The following PPP2R2B variants were observed in gnomAD, a reference collection of about 807,000 sequenced individuals.
PPP2R2B encodes protein phosphatase 2 regulatory subunit Bbeta, also known as serine/threonine-protein phosphatase 2A 55 kDa regulatory subunit B beta isoform.
PPP2R2B carries 5 observed loss-of-function variants against 46.0 expected under a neutral mutation model. The ratio of observed to expected loss-of-function variants is 0.11; its 90% CI spans 0.06 to 0.23. The LOEUF (loss-of-function observed/expected upper bound fraction) is 0.23, where lower values mean the gene tolerates loss of function less well. Ranked by LOEUF, PPP2R2B falls within the 10% of genes least tolerant of loss-of-function variation. The pLI is 1.00. For missense variants in PPP2R2B, 367 were observed against 575.0 expected, an observed-to-expected ratio of 0.64 and a Z score of 3.70; for synonymous variants, 215 against 206.7, an observed-to-expected ratio of 1.04 and a Z score of -0.34.
At chr5:147,080,772 G>A (rs574676169) in intron 2 of PPP2R2B, among the ~76,000 whole-genome samples, 151 of 152,182 alleles carry the variant, frequency 9.9e-4, no homozygotes, top group African/African-American at 3.4e-3. Context: ...ATTCTACAGC[G>A]CTGACAGATC....
At chr5:146,771,812 A>T (rs1236019777) in intron 2 of PPP2R2B, among the ~76,000 whole-genome samples, 1 of 152,200 alleles carries the variant, frequency 6.6e-6, no homozygotes, top group African/African-American at 2.4e-5. Context: ...ATTTCTAGCC[A>T]ATGCAATGTG....
rs114239630 is a variant in PPP2R2B, at chr5:146,794,112, C to T, written c.70+83890G>A. On this transcript the variant is annotated intron_variant, in intron 2 of 9. Coordinates refer to ENST00000394411, the MANE Select transcript of PPP2R2B (RefSeq NM_181675.4). ...TCTCCATTCCCAAAGACCAATAAAA[C>T]TGGCCTTTATCTTAACTTCACAAGT... 8.3e-3 allele frequency among the ~76,000 whole-genome samples: 1,263 copies of T among 152,264 alleles called. 19 individuals are homozygous for T. The highest frequency in any genetic ancestry group is 0.029 in the African/African-American group (1,196 of 41,556).
chr5:146,639,171 G>T (rs1044812300), intron 6 of PPP2R2B, among the ~76,000 whole-genome samples: 7 of 152,150 alleles, frequency 4.6e-5, no homozygotes, highest in African/African-American at 1.7e-4. Flanking sequence ...TCATAATTAT[G>T]CAAAATTTCT....
At chr5:147,007,251 TC>T (rs1463995698) in intron 1 of PPP2R2B, among the ~76,000 whole-genome samples, 1 of 152,000 alleles carries the variant, frequency 6.6e-6, no homozygotes, top group East Asian at 1.9e-4. Flanking sequence ...ATCGCCCAAT[TC>T]CCAACAGCAG....
intron 2 of PPP2R2B, among the ~76,000 whole-genome samples, chr5:146,734,276 T>G (rs982898114): frequency 1.3e-5 from 2 of 152,062 alleles, no homozygotes; most frequent in African/African-American, 4.8e-5. Context: ...AGGCTGGTCT[T>G]GAACTCCCGG....
intron 1 of PPP2R2B, among the ~76,000 whole-genome samples, chr5:146,903,179 T>C (rs1289090194): frequency 1.3e-5 from 2 of 152,202 alleles, no homozygotes; most frequent in East Asian, 3.8e-4. Context: ...ATGCCATTGA[T>C]GTTAATATGT....
At chr5:147,060,631 T>TA (rs1163385571), upstream of PPP2R2B, among the ~76,000 whole-genome samples, 1 of 151,602 alleles carries the variant, frequency 6.6e-6, no homozygotes, top group Non-Finnish European at 1.5e-5. Context: ...GAGTCTGTCT[T>TA]AAAAAAAAGA....
intron 2 of PPP2R2B, among the ~76,000 whole-genome samples, chr5:146,737,711 G>A (rs1468014390): frequency 1.3e-5 from 2 of 152,134 alleles, no homozygotes; most frequent in African/African-American, 2.4e-5. Context: ...ATTTATAAAT[G>A]GGAAACTCCA....
chr5:146,983,472 A>ACG (rs1753280466), intron 1 of PPP2R2B, among the ~76,000 whole-genome samples: 1 of 151,912 alleles, frequency 6.6e-6, no homozygotes, highest in Non-Finnish European at 1.5e-5. Context: ...GAGCCACTGC[A>ACG]CCCGGCCCAG....
At chr5:146,669,686 A>G (rs1023713425) in intron 5 of PPP2R2B, among the ~76,000 whole-genome samples, 1 of 152,164 alleles carries the variant, frequency 6.6e-6, no homozygotes, top group Non-Finnish European at 1.5e-5. Flanking sequence ...TGTATGCTTT[A>G]CATACGTTAC....
chr5:146,809,193 T>C (rs1229098503), intron 2 of PPP2R2B, among the ~76,000 whole-genome samples: 1 of 152,182 alleles, frequency 6.6e-6, no homozygotes. Flanking sequence ...AAGCCTTCTA[T>C]GTGGCCGTCA....
intron 2 of PPP2R2B, among the ~76,000 whole-genome samples, chr5:147,080,210 C>T (rs1271393109): frequency 6.6e-6 from 1 of 152,152 alleles, no homozygotes; most frequent in Non-Finnish European, 1.5e-5. Flanking sequence ...TGCATTTATG[C>T]ATGTTAGTTT....
At chr5:147,008,067 T>C (rs1347147460) in intron 1 of PPP2R2B, among the ~76,000 whole-genome samples, 2 of 152,184 alleles carry the variant, frequency 1.3e-5, no homozygotes, top group Admixed American at 1.3e-4. Context: ...TGAACATCAA[T>C]GAAATAAATG....
Position 146,861,853 on chromosome 5 carries a change from ATTGTTT to A in PPP2R2B, c.70+16143_70+16148del, listed in dbSNP as rs1473455116. On this transcript the variant is annotated intron_variant, in intron 2 of 9. Transcript: ENST00000394411. ...CCTTTGACTTTCTTTAAAATACAGC[ATTGTTT>A]TTTTTTTTTTTTGGCTTGCTGCTTT... is the stretch of plus-strand genomic sequence containing the variant. Among the ~76,000 whole-genome samples, 196 of 144,766 alleles carry A rather than the reference ATTGTTT, an allele frequency of 1.4e-3. 1 individual carries two copies. The highest frequency in any genetic ancestry group is 8.3e-3 in the East Asian group (41 of 4,942). 95.0% of individuals were successfully genotyped at this position (144,766 alleles called of 152,430 possible).
intron 1 of PPP2R2B, among the ~76,000 whole-genome samples, chr5:146,993,225 G>A (rs954494730): frequency 1.3e-5 from 2 of 150,414 alleles, no homozygotes; most frequent in African/African-American, 4.9e-5. Flanking sequence ...TTACAGGTGT[G>A]AGTCAATGGT....
chr5:146,846,450 C>T (rs755173922), intron 2 of PPP2R2B, among the ~76,000 whole-genome samples: 7 of 151,920 alleles, frequency 4.6e-5, no homozygotes, highest in African/African-American at 1.2e-4. Flanking sequence ...GAGGCCGAGA[C>T]GGGTGGATCA....
At chr5:146,840,313 C>A (rs536550402) in intron 2 of PPP2R2B, among the ~76,000 whole-genome samples, 3 of 152,088 alleles carry the variant, frequency 2.0e-5, no homozygotes, top group East Asian at 3.9e-4. Context: ...AAGTTAATTA[C>A]CCCTTGGAAT....
At chr5:146,828,620 G>A (rs1758728534) in intron 2 of PPP2R2B, among the ~76,000 whole-genome samples, 1 of 152,190 alleles carries the variant, frequency 6.6e-6, no homozygotes. Flanking sequence ...ACAGCCAGAT[G>A]GAGATAATAC....
chr5:146,706,971 C>T, intron 2 of PPP2R2B: 1 of 1,009,276 alleles, frequency 9.9e-7, no homozygotes, highest in Non-Finnish European at 1.6e-6. Flanking sequence ...TCAGCCCTTC[C>T]AGGCAAGACT....
Sources: gnomAD v4.1 joint callset for allele counts (sites outside exome capture counted in the v4.1 genomes callset) on GRCh38, gnomAD v4.1.1 for gene constraint, MANE v1.5 for transcripts, NCBI Gene and HGNC (gene_info 2026-07-23, HGNC 2026-07-21) for gene names.